The following FBXO32 variants were observed in gnomAD, a reference collection of about 807,000 sequenced individuals.
FBXO32 encodes F-box only protein 32.
FBXO32 carries 15 observed loss-of-function variants against 48.3 expected under a neutral mutation model. The observed-to-expected ratio is 0.31, with a 90% CI of 0.21 to 0.48. FBXO32 has a LOEUF of 0.48. Among genes scored for constraint, FBXO32 ranks in the 20% least tolerant of loss-of-function variants. FBXO32 has a pLI of 0.99. For missense variants in FBXO32, 309 were observed against 432.7 expected, an observed-to-expected ratio of 0.71 and a Z score of 2.54; for synonymous variants, 154 against 165.9, an observed-to-expected ratio of 0.93 and a Z score of 0.55.
Position 123,531,799 on chromosome 8 carries a change from TA to T in FBXO32, c.372+98del, listed in dbSNP as rs1817215071. On this transcript the variant is annotated intron_variant, in intron 4 of 8. Coordinates refer to ENST00000517956, the MANE Select transcript of FBXO32 (RefSeq NM_058229.4). ...GCTTGCCTCAAAATTCTTAGGGTCC[TA>T]AAAAGTAATTTTTTGGGGAAACTAC... 2.7e-6 allele frequency: 4 copies of T among 1,481,374 alleles called. No homozygotes were observed. In the African/African-American group the frequency reaches 5.6e-5, roughly 21 times the overall value. The allele number at this position is 1,481,374 out of a possible 1,614,324, so 91.8% of individuals were successfully genotyped here.
intron 4 of FBXO32, among the ~76,000 whole-genome samples, chr8:123,519,413 C>T (rs1462692251): frequency 2.6e-5 from 4 of 151,560 alleles, no homozygotes; most frequent in African/African-American, 9.7e-5. Flanking sequence ...TAGCCGGATG[C>T]GGTGGCGGGT....
intron 6 of FBXO32, among the ~76,000 whole-genome samples, chr8:123,507,438 G>GGGGGT (rs371377453): frequency 7.2e-6 from 1 of 139,802 alleles, no homozygotes; most frequent in Non-Finnish European, 1.5e-5. Context: ...TCTGTGCTAG[G>GGGGGT]GTGTGTGTGT....
rs750142237 is a variant in FBXO32, at chr8:123,503,433, G to T, written c.1008C>A (p.Asn336Lys). The T allele has an allele frequency of 3.7e-6, 6 of 1,614,018 alleles. No homozygotes were observed. The Admixed American group carries it at 1.0e-4, about 27-fold the overall frequency. ...KGTDHPCTAN[N>K]PESCSVSLSP... ...AAAGTGAAACGGAGCAGCTCTCTGG[G>T]TTATTGGCAGTGCACGGATGGTCAG... The change falls in exon 9 of 9, where the codon AAC (asparagine) becomes AAA (lysine). Residue 336 changes from asparagine (N) to lysine (K), a missense_variant. Transcript: ENST00000517956.
At position 123,541,118 on chromosome 8, in the gene FBXO32, G is replaced by A. The variant is rs1471539480; in HGVS notation, c.-104C>T. 3.4e-5 allele frequency: 19 copies of A among 555,398 alleles called. No homozygotes were observed. The highest frequency in any genetic ancestry group is 5.0e-5 in the Non-Finnish European group (18 of 358,374). The allele number at this position is 555,398 out of a possible 1,614,324, so 34.4% of individuals were successfully genotyped here. ...CTCGGGGTGCAGGGGCCCGCGACGG[G>A]GGCGGCGGGGCGGCGGGAACGGCGC... On this transcript the variant is annotated 5_prime_UTR_variant, in exon 1 of 9. Transcript: ENST00000517956.
In FBXO32 at chr8:123,513,276, C is replaced by T. The variant is rs745728555; in HGVS notation, c.573G>A (p.Gly191=). The stretch of plus-strand genomic sequence containing the variant: ...TCCGATACACCCACATGTTAATGTT[C>T]CCGACCAGCACAGACTTGCCGACTC... The part of the protein sequence containing the change: ...VQRVGKSVLV[G]NINMWVYRME... Residue 191 remains glycine (G), a synonymous_variant, in exon 6 of 9, where the codon GGG becomes GGA. Transcript: ENST00000517956. This position sits in a 1 kb window ranked among gnomAD's most constrained non-coding sequence, Gnocchi z 4.3. 1 of 1,614,188 alleles carries T rather than the reference C, an allele frequency of 6.2e-7. No individual in the cohort carries two copies. Among genetic ancestry groups the T allele is most frequent in the Non-Finnish European group, 8.5e-7 (1 of 1,180,022 alleles).
At chr8:123,531,754 G>A (rs1194073998) in intron 4 of FBXO32, 144 bp downstream of exon 4, 4 of 908,478 alleles carry the variant, frequency 4.4e-6, no homozygotes, top group Non-Finnish European at 4.9e-6. Flanking sequence ...GGAAGAAGGA[G>A]ATTGAGGGGT....
chr8:123,522,978 G>GCCCAAAATAGAAA (rs1170400890), intron 4 of FBXO32, among the ~76,000 whole-genome samples: 1 of 152,120 alleles, frequency 6.6e-6, no homozygotes, highest in Non-Finnish European at 1.5e-5. Flanking sequence ...AGGTGCTTGG[G>GCCCAAAATAGAAA]CCCAAAATAG....
At chr8:123,538,982 T>C (rs1386360646) in intron 1 of FBXO32, among the ~76,000 whole-genome samples, 1 of 152,144 alleles carries the variant, frequency 6.6e-6, no homozygotes, top group Non-Finnish European at 1.5e-5. Flanking sequence ...GATGCCGGTA[T>C]AGGGTATTTT....
In FBXO32 at chr8:123,540,720, G is replaced by C. The variant is rs1388979787; in HGVS notation, c.116+179C>G. On this transcript the variant is annotated intron_variant, in intron 1 of 8. Coordinates refer to ENST00000517956, the MANE Select transcript of FBXO32 (RefSeq NM_058229.4). The surrounding 1 kb of genome is among the most constrained non-coding windows in gnomAD (Gnocchi z 6.4). Reference sequence around the variant, plus strand: ...AACAATAAGAGAAACCGAATTCCCTGTCTCCGGTGGTCCGAAGACCTCTGC... The same window carrying C: ...AACAATAAGAGAAACCGAATTCCCTCTCTCCGGTGGTCCGAAGACCTCTGC... Among the ~76,000 whole-genome samples the C allele has an allele frequency of 6.6e-6, 1 of 152,184 alleles. No individual in the cohort carries two copies. Among genetic ancestry groups the C allele is most frequent in the African/African-American group, 2.4e-5 (1 of 41,464 alleles).
rs781342633 is a variant in FBXO32, at chr8:123,534,826, A to G, written c.117-12T>C. ...CCTTGTTGCAGTAACTATGAATAAC[A>G]GAAGACAAAGAGGATGAGCTGTAAC... On this transcript the variant is annotated splice_polypyrimidine_tract_variant and intron_variant, in intron 1 of 8. Transcript: ENST00000517956. The G allele has an allele frequency of 7.1e-6, 11 of 1,547,372 alleles. No individual in the cohort carries two copies.
At chr8:123,511,221 C>G (rs1039367920) in intron 6 of FBXO32, among the ~76,000 whole-genome samples, 1 of 152,224 alleles carries the variant, frequency 6.6e-6, no homozygotes, top group Non-Finnish European at 1.5e-5. Flanking sequence ...GGCCTCAGCT[C>G]TGGCCCTAAG....
chr8:123,533,294 T>A, intron 2 of FBXO32, 54 bp from the exon 3 acceptor site: 1 of 1,378,814 alleles, frequency 7.3e-7, no homozygotes. Flanking sequence ...GCTCAAGATT[T>A]AAGACATTTC....
At chr8:123,527,470 C>T (rs76611052) in intron 4 of FBXO32, among the ~76,000 whole-genome samples, 9,448 of 152,186 alleles carry the variant, frequency 0.062, 419 homozygotes, top group African/African-American at 0.12. Context: ...ACCAGGGGAA[C>T]GGGGCAGTTG....
intron 4 of FBXO32, among the ~76,000 whole-genome samples, chr8:123,518,312 G>A (rs1046227277): frequency 6.6e-6 from 1 of 152,176 alleles, no homozygotes; most frequent in Non-Finnish European, 1.5e-5. Context: ...AATTATTATT[G>A]TTAGCTTTTA....
chr8:123,532,171 G>A (rs1817224064), intron 3 of FBXO32, 181 bp from the exon 4 acceptor site: 1 of 1,372,804 alleles, frequency 7.3e-7, no homozygotes. Context: ...ACCAAGATGG[G>A]TAACACAGCC....
chr8:123,511,909 A>C (rs1816743230), intron 6 of FBXO32, among the ~76,000 whole-genome samples: 1 of 152,170 alleles, frequency 6.6e-6, no homozygotes, highest in South Asian at 2.1e-4. Context: ...CAGTCAGTCC[A>C]GGCCATAGAG....
At chr8:123,515,988 T>C (rs1333791088) in intron 4 of FBXO32, among the ~76,000 whole-genome samples, 1 of 152,148 alleles carries the variant, frequency 6.6e-6, no homozygotes, top group African/African-American at 2.4e-5. Context: ...CAAGACTCCA[T>C]CTTAAAAAAT....
At chr8:123,532,913 T>C (rs1215588565) in intron 3 of FBXO32, among the ~76,000 whole-genome samples, 1 of 152,212 alleles carries the variant, frequency 6.6e-6, no homozygotes. Context: ...CAGGGCAATA[T>C]AATAATATGG....
intron 2 of FBXO32, 52 bp from the exon 3 acceptor site, chr8:123,533,292 T>C (rs765946968): frequency 8.0e-6 from 11 of 1,378,168 alleles, no homozygotes; most frequent in Non-Finnish European, 1.1e-5. Context: ...ATGCTCAAGA[T>C]TTAAGACATT....
Sources: allele counts gnomAD v4.1 joint callset (sites outside exome capture counted in the v4.1 genomes callset), GRCh38; gene constraint gnomAD v4.1.1; non-coding constraint Gnocchi (gnomAD v3.1); transcripts MANE v1.5; gene names NCBI Gene and HGNC (gene_info 2026-07-23, HGNC 2026-07-21).